The following DSCAM variants were observed in gnomAD, a reference collection of about 807,000 sequenced individuals.
DSCAM encodes cell adhesion molecule DSCAM.
DSCAM carries 47 observed loss-of-function variants against 217.7 expected under a neutral mutation model. That is an observed-to-expected ratio of 0.22 (90% CI 0.17 to 0.28). The LOEUF (loss-of-function observed/expected upper bound fraction) is 0.28. Ranked by LOEUF, DSCAM falls within the 10% of genes least tolerant of loss-of-function variation. The probability of loss-of-function intolerance (pLI) is 1.00; values close to 1 mark genes in which losing one functional copy is unlikely to be tolerated. For synonymous variants in DSCAM, 1,056 were observed against 1,015.3 expected (o/e 1.04, Z -0.76); for missense variants, 2,080 against 2,618.3 (o/e 0.79, Z 4.49).
At chr21:40,664,747 T>A (rs1336432540) in intron 3 of DSCAM, among the ~76,000 whole-genome samples, 1 of 152,172 alleles carries the variant, frequency 6.6e-6, no homozygotes, top group East Asian at 1.9e-4. Context: ...GAACCTATTT[T>A]GAGGACTTTT....
rs4816680 is a variant in DSCAM, at chr21:40,304,415, G to A, written c.2062+7666C>T. ...TTTTCTCTATCCATACTATTTAAAC[G>A]TTCTCCATATTAGCAACGAGGTTGT... On this transcript the variant is annotated intron_variant, in intron 9 of 32. Coordinates refer to ENST00000400454, the MANE Select transcript of DSCAM (RefSeq NM_001389.5). 0.016 allele frequency among the ~76,000 whole-genome samples: 2,373 copies of A among 152,300 alleles called. 186 individuals carry two copies. The East Asian group carries it at 0.25, about 16-fold the overall frequency.
intron 1 of DSCAM, among the ~76,000 whole-genome samples, chr21:40,780,425 A>ATATATATATATATATATATATG (rs1555888061): frequency 2.9e-4 from 18 of 61,282 alleles, no homozygotes; most frequent in African/African-American, 1.7e-3. Context: ...GTGTGTGTGT[A>ATATATATATATATATATATATG]TATATATATA....
chr21:40,469,823 T>C (rs2075873639), intron 3 of DSCAM, among the ~76,000 whole-genome samples: 1 of 152,222 alleles, frequency 6.6e-6, no homozygotes, highest in African/African-American at 2.4e-5. Flanking sequence ...TTATAATTTC[T>C]TTATAACCAT....
intron 8 of DSCAM, among the ~76,000 whole-genome samples, chr21:40,334,499 T>G (rs1329771202): frequency 6.6e-6 from 1 of 152,142 alleles, no homozygotes; most frequent in African/African-American, 2.4e-5. Context: ...GGAGTCTGTC[T>G]TCTACCCCCA....
chr21:40,326,167 TAAAAC>T (rs1485519980), intron 8 of DSCAM, among the ~76,000 whole-genome samples: 1 of 152,068 alleles, frequency 6.6e-6, no homozygotes, highest in Non-Finnish European at 1.5e-5. Context: ...CAAGTTAAAA[TAAAAC>T]AAAATAAGGA....
chr21:40,753,843 G>A (rs2091250985), intron 1 of DSCAM, among the ~76,000 whole-genome samples: 1 of 152,182 alleles, frequency 6.6e-6, no homozygotes, highest in African/African-American at 2.4e-5. Flanking sequence ...ACAAAAATCT[G>A]AACCGCACCT....
At chr21:40,364,681 A>T (rs557329699) in intron 4 of DSCAM, among the ~76,000 whole-genome samples, 8 of 100,430 alleles carry the variant, frequency 8.0e-5, no homozygotes, top group South Asian at 7.5e-4. Flanking sequence ...AGTACAATTA[A>T]AAAAAAGTGT....
At chr21:40,500,657 GC>G (rs2076163751) in intron 3 of DSCAM, among the ~76,000 whole-genome samples, 1 of 152,228 alleles carries the variant, frequency 6.6e-6, no homozygotes, top group South Asian at 2.1e-4. Context: ...AATTTACAAA[GC>G]CAGTGCAGTA....
At chr21:40,759,975 ATTTATTT>A (rs2091314753) in intron 1 of DSCAM, among the ~76,000 whole-genome samples, 1 of 109,720 alleles carries the variant, frequency 9.1e-6, no homozygotes, top group Non-Finnish European at 1.7e-5. Context: ...TTATTTATTT[ATTTATTT>A]ATTTATTTAT....
intron 3 of DSCAM, among the ~76,000 whole-genome samples, chr21:40,535,087 C>A (rs2076485021): frequency 6.6e-6 from 1 of 152,166 alleles, no homozygotes; most frequent in Non-Finnish European, 1.5e-5. Context: ...TGGCCACCTG[C>A]TCCCTATCTG....
Position 40,620,086 on chromosome 21 carries a change from AAG to A in DSCAM, c.508+72722_508+72723del, listed in dbSNP as rs1310786519. Among the ~76,000 whole-genome samples, 26 of 72,548 alleles carry A rather than the reference AAG, an allele frequency of 3.6e-4. 3 individuals are homozygous for A. The highest frequency in any genetic ancestry group is 6.3e-4 in the Admixed American group (5 of 7,956). 47.6% of individuals were successfully genotyped at this position (72,548 alleles called of 152,430 possible). On this transcript the variant is annotated intron_variant, in intron 3 of 32. Transcript: ENST00000400454. ...AAGAAAGAGAGAAAGAGAAAAAAGAAAGAGAGAGAAAGAGAGAGAAAAAAGAA... is the reference window on the plus strand; with the variant it reads ...AAGAAAGAGAGAAAGAGAAAAAAGAAAGAGAGAAAGAGAGAGAAAAAAGAA...
At chr21:40,471,968 G>T (rs59270837) in intron 3 of DSCAM, among the ~76,000 whole-genome samples, 1 of 151,912 alleles carries the variant, frequency 6.6e-6, no homozygotes, top group Non-Finnish European at 1.5e-5. Context: ...AACAGGCCCC[G>T]GTGTGTGATG....
chr21:40,573,162 C>A (rs1455158983), intron 3 of DSCAM, among the ~76,000 whole-genome samples: 1 of 152,014 alleles, frequency 6.6e-6, no homozygotes, highest in African/African-American at 2.4e-5. Context: ...ACATTGAAAC[C>A]CCGTCTCTAC....
At chr21:40,674,764 T>C (rs1438867187) in intron 3 of DSCAM, among the ~76,000 whole-genome samples, 9 of 151,484 alleles carry the variant, frequency 5.9e-5, no homozygotes, top group Non-Finnish European at 1.3e-4. Flanking sequence ...TCCCGGGTAG[T>C]TGGGACTACA....
chr21:40,096,149 C>T (rs1194214903), intron 20 of DSCAM, among the ~76,000 whole-genome samples: 1 of 152,156 alleles, frequency 6.6e-6, no homozygotes, highest in Non-Finnish European at 1.5e-5. Flanking sequence ...CTTTAGAAGG[C>T]TAATCAGAAA....
intron 3 of DSCAM, among the ~76,000 whole-genome samples, chr21:40,389,064 G>C (rs1012436567): frequency 6.6e-6 from 1 of 152,148 alleles, no homozygotes; most frequent in Non-Finnish European, 1.5e-5. Context: ...GGATATTCCT[G>C]CATAAAAGAT....
At chr21:40,467,870 C>T (rs1215496429) in intron 3 of DSCAM, among the ~76,000 whole-genome samples, 4 of 141,856 alleles carry the variant, frequency 2.8e-5, no homozygotes, top group Admixed American at 7.5e-5. Flanking sequence ...AAGCTGGGAA[C>T]TATATCAGGC....
chr21:40,394,844 G>A (rs2075164285), intron 3 of DSCAM, among the ~76,000 whole-genome samples: 2 of 152,134 alleles, frequency 1.3e-5, no homozygotes, highest in Non-Finnish European at 2.9e-5. Flanking sequence ...GTGTAATTGG[G>A]GAGTACTAAG....
At chr21:40,713,030 G>A (rs550258570) in intron 1 of DSCAM, among the ~76,000 whole-genome samples, 2 of 152,278 alleles carry the variant, frequency 1.3e-5, no homozygotes, top group African/African-American at 2.4e-5. Context: ...CTTGATCAGG[G>A]GAAGCATCAA....
Sources: allele counts gnomAD v4.1 joint callset (sites outside exome capture counted in the v4.1 genomes callset), GRCh38; gene constraint gnomAD v4.1.1; transcripts MANE v1.5; gene names NCBI Gene and HGNC (gene_info 2026-07-23, HGNC 2026-07-21).